Variants in CCDC69 observed in about 807,000 individuals in gnomAD.
CCDC69 encodes the protein coiled-coil domain containing 69, also known as coiled-coil domain-containing protein 69.
In CCDC69, 38 loss-of-function variants were observed where a neutral mutation model predicts 40.3. The ratio of observed to expected loss-of-function variants is 0.94; its 90% CI spans 0.73 to 1.24. CCDC69 has a LOEUF of 1.24. Among genes scored for constraint, CCDC69 ranks in the 50% most tolerant of loss-of-function variants. The pLI is 0.00. For synonymous variants in CCDC69, 141 were observed against 138.9 expected (o/e 1.02, Z -0.11); for missense variants, 389 against 357.9 (o/e 1.09, Z -0.70).
chr5:151,202,963 A>T (rs931734157), intron 2 of CCDC69, among the ~76,000 whole-genome samples: 10 of 152,104 alleles, frequency 6.6e-5, no homozygotes, highest in Non-Finnish European at 1.2e-4. Flanking sequence ...AGAGCTTACC[A>T]TGCCTGCAAC....
At position 151,201,681 on chromosome 5, in the gene CCDC69, A is replaced by T. The variant is rs754935914; in HGVS notation, c.132T>A (p.Thr44=). 1 of 1,596,598 alleles carries T rather than the reference A, an allele frequency of 6.3e-7. No homozygotes were observed. ...LGPLNGDTAI[T]VQLCASEEAE... ...CCTCCTCTGATGCACAGAGCTGGAC[A>T]GTTATAGCTAGAGATGAAAAAGCAA... The change falls in exon 3 of 9, where the codon ACT becomes ACA. Residue 44 remains threonine (T), a synonymous_variant. Transcript: ENST00000355417.
chr5:151,223,806 C>T, intron 1 of CCDC69, 117 bp downstream of exon 1: 1 of 1,014,844 alleles, frequency 9.9e-7, no homozygotes, highest in Non-Finnish European at 1.4e-6. Context: ...TCTCCAGGTT[C>T]TCCGTCCGGT....
intron 1 of CCDC69, among the ~76,000 whole-genome samples, chr5:151,207,091 G>A (rs1416661408): frequency 2.0e-5 from 3 of 151,856 alleles, no homozygotes; most frequent in Non-Finnish European, 4.4e-5. Context: ...GCTAATTTTT[G>A]TATTTTTAGT....
In CCDC69 at chr5:151,216,405, G is replaced by GGT. The variant is rs1561605577; in HGVS notation, c.48+7517_48+7518insAC. On this transcript the variant is annotated intron_variant, in intron 1 of 8. Transcript: ENST00000355417. ...TTTTACATTTTACCTAAATTATTAG[G>GGT]ATTTTTTTTTTTTTTTTTTTTTTTT... 7.8e-4 allele frequency among the ~76,000 whole-genome samples: 115 copies of GGT among 146,882 alleles called. 2 individuals are homozygous for GGT. Among genetic ancestry groups the GGT allele is most frequent in the African/African-American group, 2.9e-3 (113 of 39,060 alleles).
rs758574733 is a variant in CCDC69, at chr5:151,183,239, C to T, written c.*198G>A. 1.8e-4 allele frequency: 131 copies of T among 717,176 alleles called. 1 individual carries two copies. Among genetic ancestry groups the T allele is most frequent in the South Asian group, 4.0e-4 (27 of 66,986 alleles). The allele number at this position is 717,176 out of a possible 1,614,324, so 44.4% of individuals were successfully genotyped here. ...GGCCAACTCAAGGGAAGACGCTTCT[C>T]GGGGCCTCCAAAACCCTGTGGGTGA... is the stretch of plus-strand genomic sequence containing the variant. On this transcript the variant is annotated 3_prime_UTR_variant, in exon 9 of 9. Coordinates refer to ENST00000355417, the MANE Select transcript of CCDC69 (RefSeq NM_015621.3).
chr5:151,193,342 CAAAAA>C (rs35463341), intron 4 of CCDC69, among the ~76,000 whole-genome samples: 1,354 of 77,514 alleles, frequency 0.017, 19 homozygotes, highest in African/African-American at 0.048. Flanking sequence ...CTCATTTCTA[CAAAAA>C]AAAAAAAAAA....
At chr5:151,205,135 A>G (rs1413255610) in intron 2 of CCDC69, among the ~76,000 whole-genome samples, 1 of 148,658 alleles carries the variant, frequency 6.7e-6, no homozygotes, top group Non-Finnish European at 1.5e-5. Flanking sequence ...GTTCCATTGT[A>G]CTCCCTCCAA....
intron 1 of CCDC69, among the ~76,000 whole-genome samples, chr5:151,219,903 A>G (rs1022989065): frequency 3.9e-5 from 6 of 152,022 alleles, no homozygotes; most frequent in Non-Finnish European, 8.8e-5. Flanking sequence ...CCCTCCAGTG[A>G]TAGGAACTCA....
At chr5:151,184,735 G>T in intron 7 of CCDC69, 1 of 259,156 alleles carries the variant, frequency 3.9e-6, no homozygotes, top group South Asian at 6.8e-5. Context: ...AGAAGGATAT[G>T]ATCTATATAA....
intron 8 of CCDC69, 138 bp from the exon 9 acceptor site, chr5:151,183,752 T>A (rs995949435): frequency 2.8e-6 from 2 of 715,620 alleles, no homozygotes; most frequent in Admixed American, 2.9e-5. Flanking sequence ...TTGGCCTGTA[T>A]ACAAGAGGCA....
Position 151,205,406 on chromosome 5 carries a change from C to G in CCDC69, c.118G>C (p.Asp40His), listed in dbSNP as rs1752839502. 1 of 1,613,744 alleles carries G rather than the reference C, an allele frequency of 6.2e-7. No individual in the cohort carries two copies. Among genetic ancestry groups the G allele is most frequent in the Admixed American group, 1.7e-5 (1 of 59,986 alleles). ...TGTGGGGCTGGCTACTCACCTGTGTCCCCATTGAGGGGACCTAATTCATGG... is the reference window on the plus strand; with the variant it reads ...TGTGGGGCTGGCTACTCACCTGTGTGCCCATTGAGGGGACCTAATTCATGG... ...EPHELGPLNG[D>H]TAITVQLCAS... Residue 40 changes from aspartate (D) to histidine (H), a missense_variant, in exon 2 of 9, where the codon GAC (aspartate) becomes CAC (histidine). Physicochemically the swap from Asp to His is moderately conservative, Grantham distance 81. Coordinates refer to ENST00000355417, the MANE Select transcript of CCDC69 (RefSeq NM_015621.3).
At chr5:151,207,594 C>T (rs1246211425) in intron 1 of CCDC69, among the ~76,000 whole-genome samples, 2 of 152,112 alleles carry the variant, frequency 1.3e-5, no homozygotes, top group African/African-American at 2.4e-5. Context: ...CCCGGCCTAA[C>T]TATTTATAGA....
Position 151,201,651 on chromosome 5 carries a change from C to T in CCDC69, c.162G>A (p.Glu54=), listed in dbSNP as rs1347280906. The change falls in exon 3 of 9, where the codon GAG becomes GAA. Residue 54 remains glutamate (E), a synonymous_variant. Transcript: ENST00000355417. Reference sequence around the variant, plus strand: ...TTCTGGTTATATCCTTCTGGTGCCGCTCAGCCTCCTCTGATGCACAGAGCT... The same window carrying T: ...TTCTGGTTATATCCTTCTGGTGCCGTTCAGCCTCCTCTGATGCACAGAGCT... ...TVQLCASEEA[E]RHQKDITRIL... The T allele has an allele frequency of 1.2e-6, 2 of 1,613,650 alleles. No individual in the cohort carries two copies. Among genetic ancestry groups the T allele is most frequent in the Non-Finnish European group, 8.5e-7 (1 of 1,179,804 alleles).
chr5:151,200,604 G>A (rs376097056), intron 3 of CCDC69, among the ~76,000 whole-genome samples: 1 of 152,232 alleles, frequency 6.6e-6, no homozygotes, highest in African/African-American at 2.4e-5. Flanking sequence ...GAGGCAAAGA[G>A]AGGTGAAGGG....
At chr5:151,213,791 C>T (rs1172981726) in intron 1 of CCDC69, among the ~76,000 whole-genome samples, 1 of 152,170 alleles carries the variant, frequency 6.6e-6, no homozygotes, top group Non-Finnish European at 1.5e-5. Context: ...GCTTTGTGTC[C>T]TCATTGTTCC....
intron 1 of CCDC69, 53 bp from the exon 2 acceptor site, chr5:151,205,528 C>A: frequency 6.9e-7 from 1 of 1,445,692 alleles, no homozygotes; most frequent in Non-Finnish European, 9.7e-7. Flanking sequence ...GAGGTCAATG[C>A]GAGGACGGGC....
intron 1 of CCDC69, chr5:151,212,397 C>T (rs1752967038): frequency 5.6e-6 from 1 of 177,798 alleles, no homozygotes; most frequent in South Asian, 1.2e-4. Context: ...CCAGGTGACA[C>T]TCACAGCTTT....
chr5:151,215,476 C>T lies in CCDC69; in HGVS notation c.48+8447G>A, dbSNP rs549289528. Reference sequence around the variant, plus strand: ...GTCATCTTGCTATCTCATCTTCTGTCGATCCTGTCCGGCTTGTTTGCTCTG... The same window carrying T: ...GTCATCTTGCTATCTCATCTTCTGTTGATCCTGTCCGGCTTGTTTGCTCTG... On this transcript the variant is annotated intron_variant, in intron 1 of 8. Transcript: ENST00000355417. 7.1e-4 allele frequency: 148 copies of T among 208,158 alleles called. 1 individual carries two copies. Among genetic ancestry groups the T allele is most frequent in the South Asian group, 6.5e-3 (144 of 22,098 alleles). The allele number at this position is 208,158 out of a possible 1,614,324, so 12.9% of individuals were successfully genotyped here.
chr5:151,187,187 A>G (rs1752532680), intron 5 of CCDC69, among the ~76,000 whole-genome samples, 199 bp downstream of exon 5: 1 of 152,128 alleles, frequency 6.6e-6, no homozygotes, highest in African/African-American at 2.4e-5. Context: ...AATAGGCCCA[A>G]CTCAATTTCA....
Sources: allele counts gnomAD v4.1 joint callset (sites outside exome capture counted in the v4.1 genomes callset), GRCh38; gene constraint gnomAD v4.1.1; transcripts MANE v1.5; gene names NCBI Gene and HGNC (gene_info 2026-07-23, HGNC 2026-07-21).